Variants in TUBGCP4 observed in about 807,000 individuals in gnomAD.
TUBGCP4 encodes tubulin gamma complex component 4.
Under a neutral mutation model 91.6 loss-of-function variants are expected in TUBGCP4, and 54 were observed. That is an observed-to-expected ratio of 0.59 (90% CI 0.47 to 0.74). The LOEUF (loss-of-function observed/expected upper bound fraction) is 0.74. Among genes scored for constraint, TUBGCP4 ranks in the 30% least tolerant of loss-of-function variants. TUBGCP4 has a pLI of 0.00. For synonymous variants in TUBGCP4, 297 were observed against 302.8 expected (o/e 0.98, Z 0.20); for missense variants, 593 against 800.9 (o/e 0.74, Z 3.13).
Position 43,409,166 on chromosome 15 carries a change from T to C in TUBGCP4, c.*3952T>C, listed in dbSNP as rs2045029069. On this transcript the variant is annotated 3_prime_UTR_variant, in exon 18 of 18. Coordinates refer to ENST00000564079, the MANE Select transcript of TUBGCP4 (RefSeq NM_014444.5). ...GAAAGCTCCTAAGCAGCAGCCATAA[T>C]GAGCCATGAAGAGCAGATCTGAAGA... is the stretch of plus-strand genomic sequence containing the variant. 6.8e-7 allele frequency: 1 copy of C among 1,463,300 alleles called. No individual in the cohort carries two copies. The highest frequency in any genetic ancestry group is 2.3e-5 in the East Asian group (1 of 43,834). 90.6% of individuals were successfully genotyped at this position (1,463,300 alleles called of 1,614,324 possible).
intron 15 of TUBGCP4, chr15:43,402,563 TTC>T (rs1173343064): frequency 6.6e-6 from 1 of 152,268 alleles, no homozygotes; most frequent in South Asian, 2.1e-4. Context: ...AGAGTAGTGT[TTC>T]TCTCTCGATC....
In TUBGCP4 at chr15:43,405,672, CTT is replaced by C. The variant is rs548265129; in HGVS notation, c.*460_*461del. On this transcript the variant is annotated 3_prime_UTR_variant, in exon 18 of 18. Coordinates refer to ENST00000564079, the MANE Select transcript of TUBGCP4 (RefSeq NM_014444.5). ...GTAAGAAAGCAACAGGTAAGATAGGCTTTCTCTCTCCCTATACCAAGTAATTT... is the reference window on the plus strand; with the variant it reads ...GTAAGAAAGCAACAGGTAAGATAGGCTCTCTCTCCCTATACCAAGTAATTT... 1.8e-4 allele frequency: 29 copies of C among 161,872 alleles called. No individual in the cohort carries two copies. Among genetic ancestry groups the C allele is most frequent in the African/African-American group, 6.7e-4 (28 of 41,706 alleles). 10.0% of individuals were successfully genotyped at this position (161,872 alleles called of 1,614,324 possible).
intron 15 of TUBGCP4, chr15:43,402,919 G>A (rs929727367): frequency 2.0e-5 from 3 of 152,226 alleles, no homozygotes; most frequent in Non-Finnish European, 4.4e-5. Flanking sequence ...TATTTCTGCT[G>A]TACCAGGAAG....
Position 43,385,816 on chromosome 15 carries a change from T to C in TUBGCP4, c.749T>C (p.Leu250Pro). The C allele has an allele frequency of 6.2e-7, 1 of 1,614,190 alleles. No homozygotes were observed. The highest frequency in any genetic ancestry group is 8.5e-7 in the Non-Finnish European group (1 of 1,180,020). The change falls in exon 8 of 18, where the codon CTG becomes CCG. Residue 250 changes from leucine to proline, a missense_variant. Coordinates refer to ENST00000564079, the MANE Select transcript of TUBGCP4 (RefSeq NM_014444.5). ...CGCCTGATTGAGGAAGAGAACATGC[T>C]GGCACCATCTCTGAAGCAGTTTTCC... ...DLRLIEEENM[L>P]APSLKQFSLR...
At chr15:43,387,032 C>A (rs913524004) in intron 9 of TUBGCP4, among the ~76,000 whole-genome samples, 27 of 152,318 alleles carry the variant, frequency 1.8e-4, no homozygotes, top group African/African-American at 6.5e-4. Flanking sequence ...TAGGAATCAA[C>A]TAATTCTGAC....
intron 9 of TUBGCP4, 43 bp downstream of exon 9, chr15:43,386,373 ATATATTTTT>A: frequency 2.2e-5 from 1 of 45,166 alleles, no homozygotes; most frequent in Non-Finnish European, 4.0e-5. Flanking sequence ...ATATATATAT[ATATATTTTT>A]TTTTTTTTTT....
chr15:43,409,082 G>C lies in TUBGCP4; in HGVS notation c.*3868G>C, dbSNP rs775435044. Reference sequence around the variant, plus strand: ...GCTGATCCGCAATTAGAAGACACTGGTAAGCTGTGTTACACTGCAAGAAAA... The same window carrying C: ...GCTGATCCGCAATTAGAAGACACTGCTAAGCTGTGTTACACTGCAAGAAAA... On this transcript the variant is annotated 3_prime_UTR_variant, in exon 18 of 18. Coordinates refer to ENST00000564079, the MANE Select transcript of TUBGCP4 (RefSeq NM_014444.5). The C allele has an allele frequency of 6.2e-7, 1 of 1,614,154 alleles. No individual in the cohort carries two copies. Among genetic ancestry groups the C allele is most frequent in the Non-Finnish European group, 8.5e-7 (1 of 1,180,028 alleles).
At chr15:43,405,075 G>T in intron 17 of TUBGCP4, 127 bp from the exon 18 acceptor site, 1 of 1,044,122 alleles carries the variant, frequency 9.6e-7, no homozygotes, top group African/African-American at 1.6e-5. Flanking sequence ...TGTAGCAGAA[G>T]AGTCAAAAGA....
chr15:43,397,774 A>G (rs910192900), intron 12 of TUBGCP4, among the ~76,000 whole-genome samples: 5 of 152,162 alleles, frequency 3.3e-5, no homozygotes, highest in Admixed American at 1.3e-4. Context: ...GCAGTGGCAC[A>G]ATCTTGGCTC....
intron 13 of TUBGCP4, among the ~76,000 whole-genome samples, chr15:43,399,749 TCAA>T (rs2044637164): frequency 6.6e-6 from 1 of 152,188 alleles, no homozygotes; most frequent in South Asian, 2.1e-4. Flanking sequence ...AGTCAACCAT[TCAA>T]AAAGATTATA....
At chr15:43,393,535 T>C (rs537168923) in intron 9 of TUBGCP4, among the ~76,000 whole-genome samples, 5 of 152,212 alleles carry the variant, frequency 3.3e-5, no homozygotes, top group Admixed American at 1.3e-4. Context: ...CATGTTGGTG[T>C]GCTGCACCCA....
In TUBGCP4 at chr15:43,376,634, G is replaced by A. The variant is rs368494809; in HGVS notation, c.330+9G>A. 5.6e-6 allele frequency: 9 copies of A among 1,614,036 alleles called. No homozygotes were observed. In the African/African-American group the frequency reaches 1.1e-4, roughly 19 times the overall value. On this transcript the variant is annotated intron_variant, in intron 3 of 17. Transcript: ENST00000564079. ...TTGATTTGGAACAAGAGGTAAGAAGGAGGAGATATAGGAAACACCTCTGGG... is the reference window on the plus strand; with the variant it reads ...TTGATTTGGAACAAGAGGTAAGAAGAAGGAGATATAGGAAACACCTCTGGG...
intron 9 of TUBGCP4, chr15:43,391,534 G>C (rs929286262): frequency 3.3e-5 from 5 of 152,086 alleles, no homozygotes; most frequent in African/African-American, 1.2e-4. Context: ...TTCTGACCTG[G>C]GCCAATTCAC....
intron 14 of TUBGCP4, among the ~76,000 whole-genome samples, chr15:43,400,445 T>A (rs1384957536): frequency 6.6e-6 from 1 of 152,220 alleles, no homozygotes; most frequent in Non-Finnish European, 1.5e-5. Flanking sequence ...TTTCCCAGGC[T>A]GGAATGCAGT....
At chr15:43,395,831 T>C in intron 11 of TUBGCP4, 143 bp downstream of exon 11, 1 of 680,630 alleles carries the variant, frequency 1.5e-6, no homozygotes, top group East Asian at 2.6e-5. Context: ...TGGAAGGCTC[T>C]TGCAGGTAGG....
At chr15:43,404,387 T>C (rs1355642300) in intron 16 of TUBGCP4, 26 bp from the exon 17 acceptor site, 34 of 1,613,410 alleles carry the variant, frequency 2.1e-5, no homozygotes, top group Non-Finnish European at 2.5e-5. Context: ...TGAAGTGGAA[T>C]GACAGCTGAG....
At position 43,392,238 on chromosome 15, in the gene TUBGCP4, T is replaced by G. The variant is rs1244205432; in HGVS notation, c.1015-2869T>G. ...GGTTGAAAGCTTGACTCCTTTATTT[T>G]TAACCTGTGTTTTCTGAGAAATATA... On this transcript the variant is annotated intron_variant, in intron 9 of 17. Transcript: ENST00000564079. Among the ~76,000 whole-genome samples, 9 of 151,896 alleles carry G rather than the reference T, an allele frequency of 5.9e-5. No individual in the cohort carries two copies. In the East Asian group the frequency reaches 1.7e-3, roughly 29 times the overall value.
At chr15:43,390,822 A>G (rs1467147313) in intron 9 of TUBGCP4, among the ~76,000 whole-genome samples, 1 of 151,484 alleles carries the variant, frequency 6.6e-6, no homozygotes, top group Non-Finnish European at 1.5e-5. Context: ...TCTTTAATTT[A>G]AAAAAAATTT....
Position 43,385,848 on chromosome 15 carries a change from G to C in TUBGCP4, c.781G>C (p.Val261Leu), listed in dbSNP as rs1452261107. The C allele has an allele frequency of 6.2e-7, 1 of 1,614,034 alleles. No homozygotes were observed. The highest frequency in any genetic ancestry group is 1.7e-5 in the Admixed American group (1 of 59,990). ...ATCTCTGAAGCAGTTTTCCCTACGA[G>C]TGGAGATTTTGCCATCCTACATTCC... ...APSLKQFSLRVEILPSYIPVR... is the reference protein window; with the variant it reads ...APSLKQFSLRLEILPSYIPVR... The change falls in exon 8 of 18, where the codon GTG (valine) becomes CTG (leucine). Residue 261 changes from valine (V) to leucine (L), a missense_variant. Transcript: ENST00000564079.
Sources: allele counts gnomAD v4.1 joint callset (sites outside exome capture counted in the v4.1 genomes callset), GRCh38; gene constraint gnomAD v4.1.1; transcripts MANE v1.5; gene names NCBI Gene and HGNC (gene_info 2026-07-23, HGNC 2026-07-21).